Variants in URI1 observed in about 807,000 individuals in gnomAD.
The protein encoded by URI1 is unconventional prefoldin RPB5 interactor 1.
A neutral mutation model predicts 60.2 loss-of-function variants in URI1; 39 were observed. The observed-to-expected ratio is 0.65, with a 90% CI of 0.50 to 0.85. The LOEUF is 0.85. Among genes scored for constraint, URI1 ranks in the 40% least tolerant of loss-of-function variants. The pLI is 0.00. For synonymous variants in URI1, 251 were observed against 236.8 expected, an observed-to-expected ratio of 1.06 and a Z score of -0.55; for missense variants, 691 against 665.9, an observed-to-expected ratio of 1.04 and a Z score of -0.42.
chr19:30,012,723 C>T lies in URI1; in HGVS notation c.1425+192C>T, dbSNP rs1289943220. ...CAAATAGTTTATTTTTTGATAAACA[C>T]ATTACTTGTCTTAACGTTCTATTTC... On this transcript the variant is annotated intron_variant, in intron 10 of 10. Transcript: ENST00000392271. 1.2e-5 allele frequency: 8 copies of T among 644,044 alleles called. 1 individual carries two copies. The East Asian group carries it at 1.4e-4, about 11-fold the overall frequency. 39.9% of individuals were successfully genotyped at this position (644,044 alleles called of 1,614,324 possible).
At chr19:29,969,305 G>A (rs542714030) in intron 1 of URI1, among the ~76,000 whole-genome samples, 5 of 152,248 alleles carry the variant, frequency 3.3e-5, no homozygotes, top group African/African-American at 9.6e-5. Context: ...AAGAATGGCC[G>A]GAACGAAGTG....
intron 4 of URI1, among the ~76,000 whole-genome samples, chr19:29,991,648 G>A (rs1401955271): frequency 6.6e-6 from 1 of 152,090 alleles, no homozygotes; most frequent in East Asian, 1.9e-4. Context: ...TTGAATAGGA[G>A]TGGTAAGAGT....
chr19:30,010,247 GATT>G (rs1350650074), intron 8 of URI1, among the ~76,000 whole-genome samples: 2 of 152,072 alleles, frequency 1.3e-5, no homozygotes, highest in African/African-American at 4.8e-5. Flanking sequence ...AAGTGTGTGT[GATT>G]ATTATTTAGT....
chr19:29,942,433 C>A lies in URI1; in HGVS notation c.-115C>A, dbSNP rs563281861. On this transcript the variant is annotated 5_prime_UTR_variant, in exon 1 of 11. Coordinates refer to ENST00000392271, the MANE Select transcript of URI1 (RefSeq NM_003796.3). ...GGCGGCGGGCGCGGCCTCCTGGGCGCGGGGCGCGCGGTGCCTGAGGGCGGG... is the reference window on the plus strand; with the variant it reads ...GGCGGCGGGCGCGGCCTCCTGGGCGAGGGGCGCGCGGTGCCTGAGGGCGGG... The A allele has an allele frequency of 3.5e-3, 3,434 of 985,496 alleles. 109 individuals carry two copies. In the African/African-American group the frequency reaches 0.056, roughly 16 times the overall value. 61.0% of individuals were successfully genotyped at this position (985,496 alleles called of 1,614,324 possible).
intron 1 of URI1, chr19:29,923,892 G>A: frequency 2.3e-6 from 2 of 854,242 alleles, no homozygotes; most frequent in South Asian, 3.5e-5. Context: ...CTATAGACCT[G>A]GAAGAGGGGC....
In URI1 at chr19:29,993,012, T is replaced by C. The variant is rs147356190; in HGVS notation, c.367+6595T>C. Among the ~76,000 whole-genome samples, 440 of 152,322 alleles carry C rather than the reference T, an allele frequency of 2.9e-3. 1 individual carries two copies. The highest frequency in any genetic ancestry group is 0.01 in the African/African-American group (416 of 41,562). ...TAATAGATTTTCCTTTCAAAGATAA[T>C]ATGGGGAGAATTATTTTACCGTGTG... On this transcript the variant is annotated intron_variant, in intron 4 of 10. Transcript: ENST00000392271.
upstream of URI1, chr19:29,937,696 T>C (rs926132817): frequency 6.6e-6 from 1 of 152,214 alleles, no homozygotes; most frequent in African/African-American, 2.4e-5. Flanking sequence ...AAAAAGGTGT[T>C]CTTTACTTTC....
At chr19:29,946,350 G>C (rs1279362707) in intron 1 of URI1, among the ~76,000 whole-genome samples, 2 of 152,040 alleles carry the variant, frequency 1.3e-5, no homozygotes, top group African/African-American at 2.4e-5. Flanking sequence ...TGAAATTTTT[G>C]TTTCTTGGCT....
At chr19:30,001,059 G>T (rs574460681) in intron 4 of URI1, among the ~76,000 whole-genome samples, 2 of 151,500 alleles carry the variant, frequency 1.3e-5, no homozygotes, top group Non-Finnish European at 3.0e-5. Flanking sequence ...TTTTTAAGGA[G>T]TATTTGTTTT....
chr19:29,927,497 G>C (rs2054878802), intron 1 of URI1, among the ~76,000 whole-genome samples: 1 of 147,878 alleles, frequency 6.8e-6, no homozygotes, highest in Non-Finnish European at 1.5e-5. Flanking sequence ...CCTGACCTCA[G>C]GTGATCCACC....
chr19:29,951,694 C>T (rs1400899836), intron 1 of URI1, among the ~76,000 whole-genome samples: 1 of 151,984 alleles, frequency 6.6e-6, no homozygotes, highest in African/African-American at 2.4e-5. Context: ...TTACAGGCCT[C>T]TGCCACCACG....
chr19:29,990,000 G>C (rs1335308168), intron 4 of URI1, among the ~76,000 whole-genome samples: 1 of 151,964 alleles, frequency 6.6e-6, no homozygotes, highest in Non-Finnish European at 1.5e-5. Flanking sequence ...GTTTTCTTCT[G>C]AAAGTTTTAT....
intron 2 of URI1, among the ~76,000 whole-genome samples, chr19:29,971,619 G>T (rs973111004): frequency 6.6e-6 from 1 of 150,464 alleles, no homozygotes; most frequent in Non-Finnish European, 1.5e-5. Flanking sequence ...ATAGGGCACA[G>T]AAATGTTTTC....
At chr19:29,963,677 T>G (rs1291659500) in intron 1 of URI1, among the ~76,000 whole-genome samples, 1 of 152,200 alleles carries the variant, frequency 6.6e-6, no homozygotes, top group Non-Finnish European at 1.5e-5. Flanking sequence ...CTTTAAAGAT[T>G]GTAGATATTC....
At chr19:29,933,777 G>T (rs2054943102) in intron 1 of URI1, among the ~76,000 whole-genome samples, 1 of 151,160 alleles carries the variant, frequency 6.6e-6, no homozygotes, top group Non-Finnish European at 1.5e-5. Flanking sequence ...AGCCGAGACT[G>T]TGCTACTGCA....
In URI1 at chr19:30,009,112, A is replaced by G. The variant is rs1051437501; in HGVS notation, c.794A>G (p.His265Arg). ...VNAMHQVTDS[H>R]TPCHKDVASS... ...GCGATGCATCAAGTAACAGACTCTC[A>G]TACTCCTTGTCATAAGGATGTTGCA... is the stretch of plus-strand genomic sequence containing the variant. Residue 265 changes from histidine (H) to arginine (R), a missense_variant, in exon 8 of 11, where the codon CAT becomes CGT. Coordinates refer to ENST00000392271, the MANE Select transcript of URI1 (RefSeq NM_003796.3). 5 of 1,613,856 alleles carry G rather than the reference A, an allele frequency of 3.1e-6. No individual in the cohort carries two copies. Among genetic ancestry groups the G allele is most frequent in the Non-Finnish European group, 3.4e-6 (4 of 1,179,764 alleles).
At chr19:29,968,793 G>A (rs991602332) in intron 1 of URI1, among the ~76,000 whole-genome samples, 45 of 151,242 alleles carry the variant, frequency 3.0e-4, no homozygotes, top group African/African-American at 9.7e-4. Flanking sequence ...GGATGGTCTC[G>A]ATCTCCTGAC....
At chr19:29,970,140 T>A (rs1310784601) in intron 1 of URI1, among the ~76,000 whole-genome samples, 1 of 106,964 alleles carries the variant, frequency 9.3e-6, no homozygotes, top group African/African-American at 4.0e-5. Flanking sequence ...TTTTTTTTTT[T>A]TTTTTTTTTT....
rs2054981355 is a variant in URI1 at position 29,937,234 on chromosome 19, A to G, written c.63+13480A>G. Among the ~76,000 whole-genome samples, 3 of 152,100 alleles carry G rather than the reference A, an allele frequency of 2.0e-5. No individual in the cohort carries two copies. In the South Asian group the frequency reaches 6.2e-4, roughly 32 times the overall value. ...GGATTTCTATTTTGTTCCTTTTTATAAGATTAAACTATCTCTTCATTGGCC... is the reference window on the plus strand; with the variant it reads ...GGATTTCTATTTTGTTCCTTTTTATGAGATTAAACTATCTCTTCATTGGCC... On this transcript the variant is annotated intron_variant, in intron 1 of 10. Transcript: ENST00000360605.
Sources: allele counts gnomAD v4.1 joint callset (sites outside exome capture counted in the v4.1 genomes callset), GRCh38; gene constraint gnomAD v4.1.1; transcripts MANE v1.5; gene names NCBI Gene and HGNC (gene_info 2026-07-23, HGNC 2026-07-21).